The following PIK3CD variants were observed in gnomAD, a reference collection of about 807,000 sequenced individuals.
PIK3CD encodes the protein phosphatidylinositol 4,5-bisphosphate 3-kinase catalytic subunit delta isoform.
Under a neutral mutation model 122.9 loss-of-function variants are expected in PIK3CD, and 20 were observed. The ratio of observed to expected loss-of-function variants is 0.16; its 90% confidence interval spans 0.11 to 0.24. The LOEUF (loss-of-function observed/expected upper bound fraction) is 0.24. Among genes scored for constraint, PIK3CD ranks in the 10% least tolerant of loss-of-function variants. PIK3CD has a pLI of 1.00. For synonymous variants in PIK3CD, 596 were observed against 593.4 expected, an observed-to-expected ratio of 1.00 and a Z score of -0.06; for missense variants, 787 against 1,406.3, an observed-to-expected ratio of 0.56 and a Z score of 7.04.
rs199819738 is a variant in PIK3CD, at chr1:9,723,146, C to T, written c.2448C>T (p.Leu816=). Reference sequence around the variant, plus strand: ...CTAGGATGACCCCCTATGGCTGCCTCCCCACCGGGGACCGCACAGGCCTCA... The same window carrying T: ...CTAGGATGACCCCCTATGGCTGCCTTCCCACCGGGGACCGCACAGGCCTCA... ...LDLRMTPYGC[L]PTGDRTGLIE... The change falls in exon 20 of 24, where the codon CTC becomes CTT. Residue 816 remains leucine, a synonymous_variant. Coordinates refer to ENST00000377346, the MANE Select transcript of PIK3CD (RefSeq NM_005026.5). This position sits in a 1 kb window ranked among gnomAD's most constrained non-coding sequence, Gnocchi z 4.9. 2.8e-5 allele frequency: 45 copies of T among 1,613,710 alleles called. No individual in the cohort carries two copies. The highest frequency in any genetic ancestry group is 3.3e-5 in the South Asian group (3 of 91,086).
chr1:9,719,087 C>A lies in PIK3CD; in HGVS notation c.1242+172C>A, dbSNP rs1648046630. Among the ~76,000 whole-genome samples the A allele has an allele frequency of 6.6e-6, 1 of 152,228 alleles. No homozygotes were observed. Among genetic ancestry groups the A allele is most frequent in the Non-Finnish European group, 1.5e-5 (1 of 68,034 alleles). ...CACCCTAGTCTGGCCACCAGCCCTG[C>A]TCGAGGGACACTCTGGGCTCCTGGG... On this transcript the variant is annotated intron_variant, in intron 9 of 23. Coordinates refer to ENST00000377346, the MANE Select transcript of PIK3CD (RefSeq NM_005026.5). This position sits in a 1 kb window ranked among gnomAD's most constrained non-coding sequence, Gnocchi z 5.5.
intron 1 of PIK3CD, among the ~76,000 whole-genome samples, chr1:9,655,697 CTTT>C (rs576002642): frequency 8.3e-6 from 1 of 120,754 alleles, no homozygotes; most frequent in Non-Finnish European, 1.7e-5. Context: ...CTTTTTTCTT[CTTT>C]TTTTTTTTTT....
chr1:9,719,436 G>A lies in PIK3CD; in HGVS notation c.1243-485G>A, dbSNP rs1648121818. On this transcript the variant is annotated intron_variant, in intron 9 of 23. Coordinates refer to ENST00000377346, the MANE Select transcript of PIK3CD (RefSeq NM_005026.5). The surrounding 1 kb of genome is among the most constrained non-coding windows in gnomAD (Gnocchi z 5.5). ...AGCACTTTGGGAGGCCAAGGTGGTC[G>A]GCTTACAAGGTCAGGAGTTTGAGAC... 1.3e-5 allele frequency among the ~76,000 whole-genome samples: 2 copies of A among 152,102 alleles called. No homozygotes were observed. Among genetic ancestry groups the A allele is most frequent in the Non-Finnish European group, 1.5e-5 (1 of 68,016 alleles).
Position 9,721,854 on chromosome 1 carries a change from G to A in PIK3CD, c.2049G>A (p.Met683Ile), listed in dbSNP as rs1192325470. The A allele has an allele frequency of 1.1e-5, 17 of 1,612,948 alleles. No homozygotes were observed. The East Asian group carries it at 3.3e-4, about 32-fold the overall frequency. Residue 683 changes from methionine (M) to isoleucine (I), a missense_variant, in exon 16 of 24, where the codon ATG (methionine) becomes ATA (isoleucine). Met to Ile is a conservative substitution (Grantham distance 10). This residue lies in a region of PIK3CD where 1 missense variants were observed against 20.5 expected (regional missense o/e 0.05). Transcript: ENST00000377346. ...GCACCCACCACATGAAGGTGCTGAT[G>A]AAGCAGGTGAGGCCCAAGGCCCTGG... ...RGSTHHMKVL[M>I]KQGEALSKLK... is the part of the protein sequence containing the mutation.
intron 1 of PIK3CD, among the ~76,000 whole-genome samples, chr1:9,655,919 AC>A (rs1275448755): frequency 3.3e-5 from 5 of 151,260 alleles, no homozygotes; most frequent in Admixed American, 1.3e-4. Flanking sequence ...CTGGTCTCGA[AC>A]TCCTGACCTT....
At chr1:9,654,230 A>C in intron 1 of PIK3CD, 1 of 1,367,712 alleles carries the variant, frequency 7.3e-7, no homozygotes, top group Non-Finnish European at 9.8e-7. Flanking sequence ...CACGTGCCCC[A>C]GAGGTACTCC....
At chr1:9,669,522 A>G (rs1390093178) in intron 1 of PIK3CD, among the ~76,000 whole-genome samples, 1 of 152,156 alleles carries the variant, frequency 6.6e-6, no homozygotes, top group Admixed American at 6.5e-5. Context: ...CAGTACATGA[A>G]AAGTATACAT....
chr1:9,724,450 C>T lies in PIK3CD; in HGVS notation c.2864+29C>T. On this transcript the variant is annotated intron_variant, in intron 22 of 23. Transcript: ENST00000377346. This position sits in a 1 kb window ranked among gnomAD's most constrained non-coding sequence, Gnocchi z 7.3. ...AGAGTGCCTGAGCCCCACCAGATGC[C>T]CCTCGGTGTGGGGCCCCAGGGAACA... 6.2e-7 allele frequency: 1 copy of T among 1,613,564 alleles called. No homozygotes were observed. The highest frequency in any genetic ancestry group is 1.1e-5 in the South Asian group (1 of 91,044).
At chr1:9,679,728 T>A (rs915284937) in intron 1 of PIK3CD, among the ~76,000 whole-genome samples, 5 of 152,198 alleles carry the variant, frequency 3.3e-5, no homozygotes, top group African/African-American at 1.2e-4. Flanking sequence ...CTCGTCATGT[T>A]TTAGCATAAG....
intron 2 of PIK3CD, among the ~76,000 whole-genome samples, chr1:9,694,982 G>C (rs538922838): frequency 6.6e-6 from 1 of 151,818 alleles, no homozygotes; most frequent in Non-Finnish European, 1.5e-5. Flanking sequence ...AAGAGAGAGA[G>C]AGAGAGAGAC....
chr1:9,717,201 C>T lies in PIK3CD; in HGVS notation c.930+93C>T, dbSNP rs1313572341. The T allele has an allele frequency of 6.7e-7, 1 of 1,484,164 alleles. No homozygotes were observed. Among genetic ancestry groups the T allele is most frequent in the Admixed American group, 1.7e-5 (1 of 59,158 alleles). The allele number at this position is 1,484,164 out of a possible 1,614,324, so 91.9% of individuals were successfully genotyped here. ...GCTACTGGCCATGGGTCCAGGGGCC[C>T]TTGGTATGGAGAGCTGGGGCTTTGA... On this transcript the variant is annotated intron_variant, in intron 7 of 23. Transcript: ENST00000377346. This position sits in a 1 kb window ranked among gnomAD's most constrained non-coding sequence, Gnocchi z 5.4.
rs144587587 is a variant in PIK3CD, at chr1:9,728,494, ACT to A, written c.*1450_*1451del. The stretch of plus-strand genomic sequence containing the variant: ...GTTGATTTCTCAAAGGTCTTCCAAA[ACT>A]CAACAGAGCCAGAAGTAGCCGCCCG... On this transcript the variant is annotated 3_prime_UTR_variant, in exon 24 of 24. Transcript: ENST00000377346. 6.6e-6 allele frequency: 1 copy of A among 152,138 alleles called. No individual in the cohort carries two copies. The highest frequency in any genetic ancestry group is 6.5e-5 in the Admixed American group (1 of 15,272). 9.4% of individuals were successfully genotyped at this position (152,138 alleles called of 1,614,324 possible). A position where few individuals can be genotyped will look rare whatever the true frequency, so the allele number is the denominator to read the frequency against.
intron 1 of PIK3CD, among the ~76,000 whole-genome samples, chr1:9,659,796 C>A (rs1644959623): frequency 6.6e-6 from 1 of 152,136 alleles, no homozygotes; most frequent in African/African-American, 2.4e-5. Flanking sequence ...GTCACCCAGG[C>A]TAGAGTGCAG....
At chr1:9,628,696 G>C in the PIK3CD span, among the ~76,000 whole-genome samples, 2 of 152,196 alleles carry the variant, frequency 1.3e-5, no homozygotes, top group Admixed American at 6.5e-5. Flanking sequence ...GGTGAGATTG[G>C]TTGGAGGTGT....
In PIK3CD at chr1:9,716,448, C is replaced by T. The variant is rs1431602045; in HGVS notation, c.609C>T (p.Phe203=). The T allele has an allele frequency of 6.2e-7, 1 of 1,611,052 alleles. No homozygotes were observed. The highest frequency in any genetic ancestry group is 1.7e-5 in the Admixed American group (1 of 60,020). ...NVKFEGSEES[F]TFQVSTKDVP... is the part of the protein sequence containing the mutation. Reference sequence around the variant, plus strand: ...CTCCCTCCTCCCCACAGGAGAGCTTCACCTTCCAGGTGTCCACCAAGGACG... The same window carrying T: ...CTCCCTCCTCCCCACAGGAGAGCTTTACCTTCCAGGTGTCCACCAAGGACG... The change falls in exon 6 of 24, where the codon TTC becomes TTT. Residue 203 remains phenylalanine, a synonymous_variant. Transcript: ENST00000377346.
Position 9,727,403 on chromosome 1 carries a change from C to G in PIK3CD, c.*357C>G, listed in dbSNP as rs752156973. 3 of 421,130 alleles carry G rather than the reference C, an allele frequency of 7.1e-6. No individual in the cohort carries two copies. Among genetic ancestry groups the G allele is most frequent in the Non-Finnish European group, 1.3e-5 (3 of 223,376 alleles). The allele number at this position is 421,130 out of a possible 1,614,324, so 26.1% of individuals were successfully genotyped here. ...AGGCCTCCCGCCAGACTGCCTGGGT[C>G]CTGGCGCCTGGCGGTCACCTGGTGC... On this transcript the variant is annotated 3_prime_UTR_variant, in exon 24 of 24. Coordinates refer to ENST00000377346, the MANE Select transcript of PIK3CD (RefSeq NM_005026.5).
rs914823926 is a variant in PIK3CD, at chr1:9,724,727, T to G, written c.2865-77T>G. The G allele has an allele frequency of 1.9e-6, 3 of 1,579,044 alleles. No homozygotes were observed. The African/African-American group carries it at 4.0e-5, about 21-fold the overall frequency. On this transcript the variant is annotated intron_variant, in intron 22 of 23. Coordinates refer to ENST00000377346, the MANE Select transcript of PIK3CD (RefSeq NM_005026.5). This position sits in a 1 kb window ranked among gnomAD's most constrained non-coding sequence, Gnocchi z 7.3. Reference sequence around the variant, plus strand: ...GGGCAGGTGTCCTTGGGGAAGGGGCTGGTTGGATGCAGAGCGGCCCTCTGG... The same window carrying G: ...GGGCAGGTGTCCTTGGGGAAGGGGCGGGTTGGATGCAGAGCGGCCCTCTGG...
Position 9,717,495 on chromosome 1 carries a change from C to T in PIK3CD, c.931-42C>T, listed in dbSNP as rs1281462302. The T allele has an allele frequency of 3.2e-6, 5 of 1,585,952 alleles. No individual in the cohort carries two copies. The highest frequency in any genetic ancestry group is 3.3e-5 in the Admixed American group (2 of 59,972). On this transcript the variant is annotated intron_variant, in intron 7 of 23. Transcript: ENST00000377346. The surrounding 1 kb of genome is among the most constrained non-coding windows in gnomAD (Gnocchi z 5.4). ...CACCATAGGCCAGGGAGACAAGCTG[C>T]ACTTTGAGCCGTGTTAACAGCCCTG...
At chr1:9,685,658 A>G (rs11121477) in intron 1 of PIK3CD, among the ~76,000 whole-genome samples, 21,742 of 151,906 alleles carry the variant, frequency 0.14, 1,941 homozygotes, top group South Asian at 0.25. Flanking sequence ...TGCGCCCAGC[A>G]GTTATAATTA....
Sources: allele counts gnomAD v4.1 joint callset (sites outside exome capture counted in the v4.1 genomes callset), GRCh38; gene constraint gnomAD v4.1.1; regional missense constraint gnomAD v4.1.1; non-coding constraint Gnocchi (gnomAD v3.1); transcripts MANE v1.5; gene names NCBI Gene and HGNC (gene_info 2026-07-23, HGNC 2026-07-21).